SURF4: variants seen among roughly 807,000 people sequenced by gnomAD.
The protein encoded by SURF4 is surfeit 4, also known as surfeit locus protein 4.
In SURF4, 3 loss-of-function variants were observed where a neutral mutation model predicts 30.0. That is an observed-to-expected ratio of 0.10 (90% CI 0.05 to 0.26). SURF4 has a LOEUF of 0.26. Among genes scored for constraint, SURF4 ranks in the 10% least tolerant of loss-of-function variants. The pLI is 1.00. For synonymous variants in SURF4, 143 were observed against 139.9 expected (o/e 1.02, Z -0.16); for missense variants, 217 against 350.8 (o/e 0.62, Z 3.05).
chr9:133,367,381 A>G lies in SURF4; in HGVS notation c.113T>C (p.Leu38Pro). The change falls in exon 2 of 6, where the codon CTG becomes CCG. Residue 38 changes from leucine to proline, a missense_variant. Coordinates refer to ENST00000371989, the MANE Select transcript of SURF4 (RefSeq NM_033161.4). ...VARLCLISTF[L>P]EDGIRMWFQW... is the part of the protein sequence containing the mutation. ...GAACCACATACGGATGCCGTCCTCC[A>G]GGAAGGTGCTGATCAGACAGAGGCG... 6.2e-7 allele frequency: 1 copy of G among 1,614,186 alleles called. No individual in the cohort carries two copies. The highest frequency in any genetic ancestry group is 8.5e-7 in the Non-Finnish European group (1 of 1,180,042).
rs2130230173 is a variant in SURF4, at chr9:133,374,866, G to A, written c.48+1056C>T. On this transcript the variant is annotated intron_variant, in intron 1 of 5. Transcript: ENST00000371989. Reference sequence around the variant, plus strand: ...ATAAGTCTAGGCCTCAGAGTTTGATGACTCACTACCACCTCCAGAAAAATT... The same window carrying A: ...ATAAGTCTAGGCCTCAGAGTTTGATAACTCACTACCACCTCCAGAAAAATT... 3.3e-5 allele frequency among the ~76,000 whole-genome samples: 5 copies of A among 152,068 alleles called. No homozygotes were observed. In the East Asian group the frequency reaches 7.7e-4, roughly 24 times the overall value.
chr9:133,364,052 T>G (rs1359417376), intron 5 of SURF4, among the ~76,000 whole-genome samples: 1 of 152,156 alleles, frequency 6.6e-6, no homozygotes, highest in Non-Finnish European at 1.5e-5. Context: ...CCCAAGTGCT[T>G]CTTGGCCCAC....
intron 4 of SURF4, 60 bp downstream of exon 4, chr9:133,365,925 G>T: frequency 6.5e-7 from 1 of 1,542,722 alleles, no homozygotes; most frequent in Non-Finnish European, 9.0e-7. Context: ...TCAGACTTTG[G>T]ATTTGCAATG....
upstream of SURF4, chr9:133,376,152 G>C: frequency 8.3e-7 from 1 of 1,209,858 alleles, no homozygotes; most frequent in Non-Finnish European, 1.0e-6. Flanking sequence ...GCCCGGGCCC[G>C]CCCCGGTGCG....
intron 4 of SURF4, 82 bp downstream of exon 4, chr9:133,365,903 T>C: frequency 1.4e-6 from 2 of 1,423,662 alleles, no homozygotes; most frequent in Non-Finnish European, 2.0e-6. Flanking sequence ...ATTTTTCCCA[T>C]TTTGGAGCAT....
At chr9:133,374,686 T>C (rs1837754420) in intron 1 of SURF4, among the ~76,000 whole-genome samples, 2 of 152,208 alleles carry the variant, frequency 1.3e-5, no homozygotes, top group South Asian at 4.1e-4. Context: ...ATTTAAAATA[T>C]TGGCTCACAG....
At chr9:133,377,299 T>C (rs1838002877), upstream of SURF4, among the ~76,000 whole-genome samples, 2 of 152,204 alleles carry the variant, frequency 1.3e-5, no homozygotes, top group South Asian at 4.1e-4. Flanking sequence ...CGGCTCCATT[T>C]TACTGTTTAA....
At chr9:133,370,768 A>AT in intron 1 of SURF4, 2 of 846,734 alleles carry the variant, frequency 2.4e-6, no homozygotes, top group Non-Finnish European at 3.4e-6. Flanking sequence ...CGGCGAGCAC[A>AT]TAAAACTTGT....
chr9:133,377,163 G>A (rs2130252937), upstream of SURF4, among the ~76,000 whole-genome samples: 5 of 152,122 alleles, frequency 3.3e-5, no homozygotes, highest in East Asian at 9.6e-4. Flanking sequence ...GTTGCCAGAG[G>A]TGAAGCAGAT....
intron 1 of SURF4, among the ~76,000 whole-genome samples, chr9:133,373,828 G>A (rs1454192080): frequency 7.2e-6 from 1 of 139,598 alleles, no homozygotes; most frequent in Non-Finnish European, 1.5e-5. Flanking sequence ...TGAGGCAGGA[G>A]AATTGCTTGA....
intron 1 of SURF4, among the ~76,000 whole-genome samples, chr9:133,369,721 C>T (rs1837387564): frequency 6.6e-6 from 1 of 152,212 alleles, no homozygotes; most frequent in South Asian, 2.1e-4. Flanking sequence ...ACCCATATTC[C>T]ATGGAAGAGA....
Position 133,366,616 on chromosome 9 carries a change from C to G in SURF4, c.295G>C (p.Gly99Arg). The G allele has an allele frequency of 6.2e-7, 1 of 1,613,952 alleles. No homozygotes were observed. Among genetic ancestry groups the G allele is most frequent in the Non-Finnish European group, 8.5e-7 (1 of 1,180,016 alleles). ...FVQYACFGLF[G>R]IIALQTIAYS... is the part of the protein sequence containing the mutation. ...CCGTGTACCTGCAGAGCTATGATTCCAAAGAGCCCGAAGCAGGCGTACTGC... is the reference window on the plus strand; with the variant it reads ...CCGTGTACCTGCAGAGCTATGATTCGAAAGAGCCCGAAGCAGGCGTACTGC... The change falls in exon 3 of 6, where the codon GGA (glycine) becomes CGA (arginine). Residue 99 changes from glycine to arginine, a missense_variant. Transcript: ENST00000371989.
At chr9:133,367,482 C>T (rs2130143289) in intron 1 of SURF4, 37 bp from the exon 2 acceptor site, 7 of 1,608,258 alleles carry the variant, frequency 4.4e-6, no homozygotes, top group African/African-American at 1.3e-5. Context: ...GAGGTGGCTG[C>T]GGCGGGGAGC....
At chr9:133,364,206 A>G (rs1837018289) in intron 5 of SURF4, among the ~76,000 whole-genome samples, 1 of 152,154 alleles carries the variant, frequency 6.6e-6, no homozygotes, top group Non-Finnish European at 1.5e-5. Flanking sequence ...CACCTGACAC[A>G]CAGGAATTAC....
At chr9:133,364,679 A>G (rs1436978745) in intron 5 of SURF4, among the ~76,000 whole-genome samples, 161 bp downstream of exon 5, 64 of 147,354 alleles carry the variant, frequency 4.3e-4, no homozygotes, top group Admixed American at 7.5e-4. Context: ...GGACAGAGCG[A>G]GACTCCGTCT....
rs1837899936 is a variant in SURF4 at position 133,376,005 on chromosome 9, C to T, written c.-36G>A. The T allele has an allele frequency of 5.7e-6, 7 of 1,221,324 alleles. No individual in the cohort carries two copies. The highest frequency in any genetic ancestry group is 3.3e-5 in the East Asian group (1 of 30,416). The allele number at this position is 1,221,324 out of a possible 1,614,324, so 75.7% of individuals were successfully genotyped here. A position where few individuals can be genotyped will look rare whatever the true frequency, so the allele number is the denominator to read the frequency against. On this transcript the variant is annotated 5_prime_UTR_variant, in exon 1 of 6. Transcript: ENST00000371989. Reference sequence around the variant, plus strand: ...GGAGGCTCGGCTCGGCTCGCTCGCTCGCTCGCTGGCTCTCGCCCGTCGGCG... The same window carrying T: ...GGAGGCTCGGCTCGGCTCGCTCGCTTGCTCGCTGGCTCTCGCCCGTCGGCG...
chr9:133,375,206 T>C (rs1444042039), intron 1 of SURF4: 10 of 985,312 alleles, frequency 1.0e-5, no homozygotes, highest in Admixed American at 6.1e-5. Flanking sequence ...CAACCGCCTG[T>C]TTCAAAGGCT....
chr9:133,372,844 A>C (rs1344639558), intron 1 of SURF4, among the ~76,000 whole-genome samples: 1 of 152,158 alleles, frequency 6.6e-6, no homozygotes, highest in African/African-American at 2.4e-5. Context: ...CCATATTTTG[A>C]CTTCGAACCC....
rs1234058565 is a variant in SURF4 at position 133,363,965 on chromosome 9, GT to G, written c.544-207del. ...AAGCACCAGCTTTGAAATGTGGAAG[GT>G]TTGGGGAAGACTGAAGTTCCCAACT... On this transcript the variant is annotated intron_variant, in intron 5 of 5. Coordinates refer to ENST00000371989, the MANE Select transcript of SURF4 (RefSeq NM_033161.4). The surrounding 1 kb of genome is among the most constrained non-coding windows in gnomAD (Gnocchi z 4.3). The G allele has an allele frequency of 2.0e-4, 144 of 730,588 alleles. 1 individual carries two copies. The East Asian group carries it at 2.9e-3, about 15-fold the overall frequency. The allele number at this position is 730,588 out of a possible 1,614,324, so 45.3% of individuals were successfully genotyped here.
Sources: gnomAD v4.1 joint callset for allele counts (sites outside exome capture counted in the v4.1 genomes callset) on GRCh38, gnomAD v4.1.1 for gene constraint, Gnocchi (gnomAD v3.1) non-coding constraint, MANE v1.5 for transcripts, NCBI Gene and HGNC (gene_info 2026-07-23, HGNC 2026-07-21) for gene names.